The following RNF185 variants were observed in gnomAD, a reference collection of about 807,000 sequenced individuals.
The protein encoded by RNF185 is E3 ubiquitin-protein ligase RNF185.
In RNF185, 13 loss-of-function variants were observed where a neutral mutation model predicts 24.9. That is an observed-to-expected ratio of 0.52 (90% CI 0.34 to 0.83). The LOEUF (loss-of-function observed/expected upper bound fraction) is 0.83. Among genes scored for constraint, RNF185 ranks in the 40% least tolerant of loss-of-function variants. RNF185 has a pLI of 0.01. For missense variants in RNF185, 184 were observed against 244.7 expected, an observed-to-expected ratio of 0.75 and a Z score of 1.65; for synonymous variants, 79 against 90.3, an observed-to-expected ratio of 0.88 and a Z score of 0.71.
chr22:31,186,120 C>T (rs146609148), intron 1 of RNF185, among the ~76,000 whole-genome samples: 125 of 152,252 alleles, frequency 8.2e-4, no homozygotes, highest in Middle Eastern at 3.4e-3. Context: ...ATTACAGTGA[C>T]ATAAACCTCT....
At chr22:31,189,871 G>A (rs2048139677) in intron 2 of RNF185, among the ~76,000 whole-genome samples, 1 of 152,132 alleles carries the variant, frequency 6.6e-6, no homozygotes, top group Non-Finnish European at 1.5e-5. Context: ...TGGGATTACT[G>A]GTGTGAGCCA....
chr22:31,179,304 A>G (rs886074), intron 1 of RNF185, among the ~76,000 whole-genome samples: 13,021 of 152,158 alleles, frequency 0.086, 847 homozygotes, highest in East Asian at 0.4. Context: ...GTCCTGGTAG[A>G]CCCATATGGT....
chr22:31,172,614 T>C (rs1241563264), intron 1 of RNF185, among the ~76,000 whole-genome samples: 3 of 151,998 alleles, frequency 2.0e-5, no homozygotes, highest in African/African-American at 4.8e-5. Context: ...CCAGTCATGA[T>C]GGTGCACACC....
rs1485312847 is a variant in RNF185 at position 31,204,907 on chromosome 22, C to T, written c.*321C>T. ...GAGGGAAGAGGCAGAAAGAGAGAAA[C>T]TGTCAGAGTATAATTTCACCTGAGT... On this transcript the variant is annotated 3_prime_UTR_variant, in exon 7 of 7. Coordinates refer to ENST00000326132, the MANE Select transcript of RNF185 (RefSeq NM_152267.4). The T allele has an allele frequency of 3.9e-6, 1 of 253,600 alleles. No homozygotes were observed. Among genetic ancestry groups the T allele is most frequent in the Non-Finnish European group, 8.1e-6 (1 of 123,808 alleles). The allele number at this position is 253,600 out of a possible 1,614,324, so 15.7% of individuals were successfully genotyped here.
At chr22:31,171,156 C>CTTACTTACTTATTTATTTAT (rs149267234) in intron 1 of RNF185, among the ~76,000 whole-genome samples, 5 of 143,150 alleles carry the variant, frequency 3.5e-5, no homozygotes, top group East Asian at 4.0e-4. Context: ...CTCTGATTTA[C>CTTACTTACTTATTTATTTAT]TTATTTATTT....
intron 1 of RNF185, among the ~76,000 whole-genome samples, chr22:31,171,979 AAGG>A (rs1389911624): frequency 1.3e-5 from 2 of 152,162 alleles, no homozygotes; most frequent in Non-Finnish European, 2.9e-5. Flanking sequence ...AAAAAAAAGA[AAGG>A]AGAAGTGAGA....
intron 1 of RNF185, among the ~76,000 whole-genome samples, chr22:31,180,810 G>A (rs1204639416): frequency 6.6e-6 from 1 of 151,916 alleles, no homozygotes; most frequent in Non-Finnish European, 1.5e-5. Flanking sequence ...ATAAAACATT[G>A]AAACAGGGTA....
intron 1 of RNF185, among the ~76,000 whole-genome samples, chr22:31,180,816 G>A (rs1025758423): frequency 1.3e-5 from 2 of 152,028 alleles, no homozygotes; most frequent in Non-Finnish European, 2.9e-5. Context: ...CATTGAAACA[G>A]GGTAAGAATA....
chr22:31,193,622 C>T (rs1399289313), intron 3 of RNF185, among the ~76,000 whole-genome samples: 1 of 151,778 alleles, frequency 6.6e-6, no homozygotes, highest in Non-Finnish European at 1.5e-5. Context: ...GGCAAAACCC[C>T]GTCTCTACAA....
chr22:31,205,923 C>G lies in RNF185; in HGVS notation c.*1337C>G, dbSNP rs1367500080. 6.5e-6 allele frequency: 1 copy of G among 153,668 alleles called. No individual in the cohort carries two copies. The highest frequency in any genetic ancestry group is 1.5e-5 in the Non-Finnish European group (1 of 68,218). 9.5% of individuals were successfully genotyped at this position (153,668 alleles called of 1,614,324 possible). A position where few individuals can be genotyped will look rare whatever the true frequency, so the allele number is the denominator to read the frequency against. On this transcript the variant is annotated 3_prime_UTR_variant, in exon 7 of 7. Transcript: ENST00000326132. The stretch of plus-strand genomic sequence containing the variant: ...GAATCTTATTGAGGGACTATGGTAC[C>G]AAGCAGGTAGGACTGTTCACCTGGT...
intron 1 of RNF185, among the ~76,000 whole-genome samples, chr22:31,183,979 C>CT (rs397952388): frequency 1.0e-4 from 15 of 146,080 alleles, no homozygotes; most frequent in African/African-American, 3.5e-4. Context: ...GGGGCTGCCC[C>CT]GAGCTCCCGG....
At chr22:31,179,099 A>C (rs1173429973) in intron 1 of RNF185, among the ~76,000 whole-genome samples, 1 of 152,196 alleles carries the variant, frequency 6.6e-6, no homozygotes, top group Non-Finnish European at 1.5e-5. Flanking sequence ...GGAGAAAAGA[A>C]TGGTCAGGGT....
intron 2 of RNF185, among the ~76,000 whole-genome samples, chr22:31,190,344 T>C (rs1032591154): frequency 6.6e-6 from 1 of 152,184 alleles, no homozygotes; most frequent in Non-Finnish European, 1.5e-5. Flanking sequence ...TGGAGTGCAG[T>C]GGCGTGATCT....
chr22:31,191,172 T>C (rs8142988), intron 2 of RNF185, among the ~76,000 whole-genome samples: 73,335 of 151,916 alleles, frequency 0.48, 18,479 homozygotes, highest in Middle Eastern at 0.58. Context: ...GAATGGTCGT[T>C]GTTATAAAGC....
chr22:31,200,766 G>A (rs1050509637), intron 5 of RNF185, among the ~76,000 whole-genome samples: 3 of 152,184 alleles, frequency 2.0e-5, no homozygotes, highest in African/African-American at 7.2e-5. Context: ...AATTATTTCT[G>A]TAATATGTGA....
chr22:31,204,673 T>C lies in RNF185; in HGVS notation c.*87T>C. ...CTGGTGTTTGGCTTCCTGGCTAATC[T>C]TGACTCCTGGAATCAGTGGGATCAG... is the stretch of plus-strand genomic sequence containing the variant. On this transcript the variant is annotated 3_prime_UTR_variant, in exon 7 of 7. Transcript: ENST00000326132. The C allele has an allele frequency of 9.7e-6, 8 of 828,074 alleles. No individual in the cohort carries two copies. The South Asian group carries it at 1.1e-4, about 11-fold the overall frequency. The allele number at this position is 828,074 out of a possible 1,614,324, so 51.3% of individuals were successfully genotyped here.
At position 31,206,054 on chromosome 22, in the gene RNF185, A is replaced by T. The variant is rs2048311403; in HGVS notation, c.*1468A>T. 1 of 154,760 alleles carries T rather than the reference A, an allele frequency of 6.5e-6. No homozygotes were observed. Among genetic ancestry groups the T allele is most frequent in the Non-Finnish European group, 1.5e-5 (1 of 68,232 alleles). 9.6% of individuals were successfully genotyped at this position (154,760 alleles called of 1,614,324 possible). The stretch of plus-strand genomic sequence containing the variant: ...GGGCTTTCCTCTGGGCCTCTCTCCT[A>T]CTTTGCCATCCACACTGCTCCTGGC... On this transcript the variant is annotated 3_prime_UTR_variant, in exon 7 of 7. Coordinates refer to ENST00000326132, the MANE Select transcript of RNF185 (RefSeq NM_152267.4).
chr22:31,197,029 G>T (rs1337287805), intron 5 of RNF185, 39 bp downstream of exon 5: 7 of 1,612,414 alleles, frequency 4.3e-6, no homozygotes, highest in Non-Finnish European at 5.1e-6. Flanking sequence ...CAAATGAGCT[G>T]ATGGCTTTAG....
intron 2 of RNF185, 149 bp from the exon 3 acceptor site, chr22:31,192,535 G>A: frequency 3.0e-6 from 2 of 673,002 alleles, no homozygotes; most frequent in Admixed American, 2.5e-5. Flanking sequence ...GAACCTCAAT[G>A]GGCATGCAGT....
Sources: gnomAD v4.1 joint callset for allele counts (sites outside exome capture counted in the v4.1 genomes callset) on GRCh38, gnomAD v4.1.1 for gene constraint, MANE v1.5 for transcripts, NCBI Gene and HGNC (gene_info 2026-07-23, HGNC 2026-07-21) for gene names.